The following MTA3 variants were observed in gnomAD, a reference collection of about 807,000 sequenced individuals.
MTA3 encodes metastasis-associated protein MTA3.
Under a neutral mutation model 83.5 loss-of-function variants are expected in MTA3, and 34 were observed. The observed-to-expected ratio is 0.41, with a 90% CI of 0.31 to 0.54. The LOEUF (loss-of-function observed/expected upper bound fraction) is 0.54, where lower values mean the gene tolerates loss of function less well. Among genes scored for constraint, MTA3 ranks in the 20% least tolerant of loss-of-function variants. The probability of loss-of-function intolerance (pLI) is 0.33; values close to 1 mark genes in which losing one functional copy is unlikely to be tolerated. For missense variants in MTA3, 761 were observed against 726.4 expected, an observed-to-expected ratio of 1.05 and a Z score of -0.55; for synonymous variants, 303 against 252.7, an observed-to-expected ratio of 1.20 and a Z score of -1.89.
At chr2:42,639,099 C>T (rs190686970) in intron 4 of MTA3, among the ~76,000 whole-genome samples, 140 of 146,712 alleles carry the variant, frequency 9.5e-4, no homozygotes, top group African/African-American at 3.2e-3. Context: ...CTTGCTCTGT[C>T]GCCCGGGCTG....
chr2:42,642,218 A>G (rs1308847238), intron 5 of MTA3, among the ~76,000 whole-genome samples: 1 of 152,178 alleles, frequency 6.6e-6, no homozygotes, highest in African/African-American at 2.4e-5. Flanking sequence ...GGACATAGAA[A>G]TCTAAGGATT....
At position 42,594,732 on chromosome 2, in the gene MTA3, T is replaced by A. The variant is rs867596216; in HGVS notation, c.191-14726T>A. ...TATATATATATATATATATATATTT[T>A]TTTTTTTTTTTTGAGACAGAGTCTC... On this transcript the variant is annotated intron_variant, in intron 3 of 16. Transcript: ENST00000405094. Among the ~76,000 whole-genome samples, 41 of 28,104 alleles carry A rather than the reference T, an allele frequency of 1.5e-3. 1 individual carries two copies. The highest frequency in any genetic ancestry group is 7.6e-3 in the East Asian group (13 of 1,720). 18.4% of individuals were successfully genotyped at this position (28,104 alleles called of 152,430 possible).
intron 2 of MTA3, among the ~76,000 whole-genome samples, chr2:42,511,315 T>A (rs1674885534): frequency 6.6e-6 from 1 of 151,640 alleles, no homozygotes; most frequent in Non-Finnish European, 1.5e-5. Flanking sequence ...ATAAAATGAT[T>A]CAATTCTGGT....
chr2:42,688,715 G>C (rs1277070932), intron 9 of MTA3, among the ~76,000 whole-genome samples: 1 of 150,950 alleles, frequency 6.6e-6, no homozygotes, highest in Non-Finnish European at 1.5e-5. Flanking sequence ...GTTATAGTCG[G>C]TTTTTTTGGT....
At chr2:42,516,976 T>C (rs1241221652) in intron 2 of MTA3, among the ~76,000 whole-genome samples, 1 of 151,854 alleles carries the variant, frequency 6.6e-6, no homozygotes. Flanking sequence ...AATAAAAAAT[T>C]TGGCCCGGTG....
rs1683930504 is a variant in MTA3, at chr2:42,609,600, G to C, written c.317+16G>C. 4 of 1,612,306 alleles carry C rather than the reference G, an allele frequency of 2.5e-6. No individual in the cohort carries two copies. Among genetic ancestry groups the C allele is most frequent in the African/African-American group, 2.7e-5 (2 of 74,932 alleles). On this transcript the variant is annotated intron_variant, in intron 4 of 16. Coordinates refer to ENST00000405094, the MANE Select transcript of MTA3 (RefSeq NM_001330442.2). ...CACATATCAGGTAAGAACTTTTTAG[G>C]AACTAAGGTACTCAGTACTACGGTG...
chr2:42,721,949 C>G (rs1667442565), intron 15 of MTA3, among the ~76,000 whole-genome samples: 1 of 152,098 alleles, frequency 6.6e-6, no homozygotes, highest in Non-Finnish European at 1.5e-5. Context: ...TAAATTTTGG[C>G]AAGTGTGGGA....
intron 2 of MTA3, among the ~76,000 whole-genome samples, chr2:42,541,323 G>A (rs1051184506): frequency 1.3e-5 from 2 of 152,112 alleles, no homozygotes; most frequent in African/African-American, 4.8e-5. Flanking sequence ...GAGCCACTGC[G>A]CCCAGCCCAA....
intron 14 of MTA3, among the ~76,000 whole-genome samples, chr2:42,716,356 G>A (rs1365090047): frequency 6.6e-6 from 1 of 152,104 alleles, no homozygotes; most frequent in East Asian, 1.9e-4. Flanking sequence ...AAGTTCAGGG[G>A]TACATGTGCA....
intron 2 of MTA3, among the ~76,000 whole-genome samples, chr2:42,516,308 G>C (rs13036157): frequency 0.37 from 56,862 of 152,086 alleles, 10,839 homozygotes; most frequent in African/African-American, 0.43. Flanking sequence ...TTTAGGTTGG[G>C]AAGAGTAGAG....
intron 4 of MTA3, among the ~76,000 whole-genome samples, chr2:42,611,676 C>T (rs146823145): frequency 1.3e-5 from 2 of 151,920 alleles, no homozygotes; most frequent in Admixed American, 6.6e-5. Flanking sequence ...ATTAGCTGAG[C>T]GTGGTGGTGT....
At chr2:42,694,726 C>T (rs759683555) in intron 9 of MTA3, among the ~76,000 whole-genome samples, 1 of 152,194 alleles carries the variant, frequency 6.6e-6, no homozygotes, top group Non-Finnish European at 1.5e-5. Context: ...CCAGATGACA[C>T]ACAGTCATAG....
intron 4 of MTA3, among the ~76,000 whole-genome samples, chr2:42,631,006 CTT>C (rs1573386184): frequency 6.6e-6 from 1 of 152,238 alleles, no homozygotes; most frequent in East Asian, 1.9e-4. Context: ...ATTAGTCTCT[CTT>C]CAGTTTGGCT....
intron 3 of MTA3, among the ~76,000 whole-genome samples, chr2:42,593,232 A>G (rs2103949285): frequency 6.6e-6 from 1 of 152,068 alleles, no homozygotes; most frequent in East Asian, 1.9e-4. Flanking sequence ...CACACCTGTA[A>G]TCTCAGCCCT....
At chr2:42,661,226 C>G (rs1227944848) in intron 8 of MTA3, among the ~76,000 whole-genome samples, 1 of 152,040 alleles carries the variant, frequency 6.6e-6, no homozygotes, top group African/African-American at 2.4e-5. Context: ...GTCATGTTTG[C>G]AAGAACTTTA....
chr2:42,639,265 GT>G (rs1359082204), intron 4 of MTA3, among the ~76,000 whole-genome samples: 3 of 151,870 alleles, frequency 2.0e-5, no homozygotes, highest in Non-Finnish European at 4.4e-5. Flanking sequence ...TGATATATTT[GT>G]TTTTGCATGT....
chr2:42,626,451 C>T (rs1686105427), intron 4 of MTA3, among the ~76,000 whole-genome samples: 1 of 151,200 alleles, frequency 6.6e-6, no homozygotes. Context: ...GCACCCACCA[C>T]CATGCCCAGC....
chr2:42,672,173 C>G (rs1304049819), intron 8 of MTA3, among the ~76,000 whole-genome samples: 2 of 151,960 alleles, frequency 1.3e-5, no homozygotes, highest in East Asian at 3.9e-4. Context: ...GTCACTGTGA[C>G]CTATTGTCCC....
chr2:42,734,312 G>T (rs1668455199), intron 16 of MTA3, among the ~76,000 whole-genome samples: 1 of 150,900 alleles, frequency 6.6e-6, no homozygotes. Context: ...TATAGTTTTT[G>T]TCTTTAAATC....
Sources: allele counts gnomAD v4.1 joint callset (sites outside exome capture counted in the v4.1 genomes callset), GRCh38; gene constraint gnomAD v4.1.1; transcripts MANE v1.5; gene names NCBI Gene and HGNC (gene_info 2026-07-23, HGNC 2026-07-21).